TTLL5: variants seen among roughly 807,000 people sequenced by gnomAD.
TTLL5 encodes tubulin tyrosine ligase like 5.
Under a neutral mutation model 168.4 loss-of-function variants are expected in TTLL5, and 132 were observed. The observed-to-expected ratio is 0.78, with a 90% CI of 0.68 to 0.91. The LOEUF (loss-of-function observed/expected upper bound fraction) is 0.91. TTLL5 is among the 40% of genes least tolerant of loss of function. The probability of loss-of-function intolerance (pLI) is 0.00; values close to 1 mark genes in which losing one functional copy is unlikely to be tolerated. For synonymous variants in TTLL5, 546 were observed against 558.6 expected (o/e 0.98, Z 0.32); for missense variants, 1,545 against 1,581.5 (o/e 0.98, Z 0.39).
At chr14:75,792,752 C>T (rs764114901) in intron 26 of TTLL5, among the ~76,000 whole-genome samples, 164 bp from the exon 27 acceptor site, 12 of 152,006 alleles carry the variant, frequency 7.9e-5, no homozygotes, top group Non-Finnish European at 1.3e-4. Flanking sequence ...GTTATGGTAA[C>T]CATTTATTTT....
At chr14:75,870,789 T>A (rs1186544028) in intron 29 of TTLL5, among the ~76,000 whole-genome samples, 1 of 152,004 alleles carries the variant, frequency 6.6e-6, no homozygotes, top group Non-Finnish European at 1.5e-5. Context: ...CATATTATGC[T>A]TGCTTTGGTT....
At chr14:75,885,627 T>TGA (rs1199362773) in intron 30 of TTLL5, among the ~76,000 whole-genome samples, 1 of 152,256 alleles carries the variant, frequency 6.6e-6, no homozygotes. Flanking sequence ...TTATTTGGAC[T>TGA]GATGAAGTAA....
chr14:75,935,704 C>A (rs1459107418), intron 31 of TTLL5, among the ~76,000 whole-genome samples: 3 of 152,150 alleles, frequency 2.0e-5, no homozygotes, highest in African/African-American at 7.2e-5. Context: ...AAACCCAACC[C>A]ACTGTAGATT....
chr14:75,926,272 A>T (rs891201731), intron 31 of TTLL5, among the ~76,000 whole-genome samples: 8 of 146,652 alleles, frequency 5.5e-5, no homozygotes, highest in Non-Finnish European at 1.2e-4. Flanking sequence ...TCCTTAATAC[A>T]GCACACTGAT....
chr14:75,868,516 A>G (rs1001210449), intron 29 of TTLL5, among the ~76,000 whole-genome samples: 1 of 152,172 alleles, frequency 6.6e-6, no homozygotes, highest in African/African-American at 2.4e-5. Context: ...TCTGGATTCA[A>G]TAATCCTAGC....
chr14:75,666,163 G>A (rs1236450391), intron 2 of TTLL5, among the ~76,000 whole-genome samples: 1 of 152,136 alleles, frequency 6.6e-6, no homozygotes, highest in East Asian at 1.9e-4. Flanking sequence ...GAAGCAGCAG[G>A]CTTACATTTT....
chr14:75,912,614 CA>C (rs2033438015), intron 31 of TTLL5, among the ~76,000 whole-genome samples: 1 of 152,042 alleles, frequency 6.6e-6, no homozygotes, highest in Non-Finnish European at 1.5e-5. Flanking sequence ...GCAGGGCAAA[CA>C]GGGAAACATG....
intron 28 of TTLL5, chr14:75,838,274 G>C (rs529239871): frequency 3.3e-5 from 5 of 150,986 alleles, no homozygotes; most frequent in Non-Finnish European, 7.4e-5. Flanking sequence ...GGAGGTGGCG[G>C]CTGGGCGTGG....
At chr14:75,819,126 C>G (rs1368758709) in intron 27 of TTLL5, among the ~76,000 whole-genome samples, 2 of 152,186 alleles carry the variant, frequency 1.3e-5, no homozygotes, top group Non-Finnish European at 2.9e-5. Flanking sequence ...TTACACATAG[C>G]TTGGCACCTA....
chr14:75,793,004 C>A lies in TTLL5; in HGVS notation c.3075C>A (p.Asn1025Lys). The A allele has an allele frequency of 6.2e-7, 1 of 1,613,634 alleles. No individual in the cohort carries two copies. The highest frequency in any genetic ancestry group is 8.5e-7 in the Non-Finnish European group (1 of 1,179,704). The change falls in exon 27 of 32, where the codon AAC (asparagine) becomes AAA (lysine). Residue 1025 changes from asparagine to lysine, a missense_variant. By Grantham distance (94) the Asn-to-Lys change is moderately conservative (BLOSUM62 0). Coordinates refer to ENST00000298832, the MANE Select transcript of TTLL5 (RefSeq NM_015072.5). ...EDASLYSKRY[N>K]QSMVTAELQR... The stretch of plus-strand genomic sequence containing the variant: ...CTTCTTTATATAGCAAACGGTACAA[C>A]CAAAGTATGGTTACAGCTGAACTTC...
chr14:75,822,867 A>G (rs1894908963), intron 28 of TTLL5, among the ~76,000 whole-genome samples: 1 of 152,060 alleles, frequency 6.6e-6, no homozygotes, highest in Admixed American at 6.6e-5. Flanking sequence ...GTTGTGGGAG[A>G]AGAAGGCAAA....
chr14:75,775,505 A>G lies in TTLL5; in HGVS notation c.2158A>G (p.Lys720Glu). 1.2e-6 allele frequency: 2 copies of G among 1,613,798 alleles called. No individual in the cohort carries two copies. The highest frequency in any genetic ancestry group is 1.7e-6 in the Non-Finnish European group (2 of 1,179,922). The change falls in exon 22 of 32, where the codon AAG becomes GAG. Residue 720 changes from lysine (K) to glutamate (E), a missense_variant. Physicochemically the swap from Lys to Glu is moderately conservative, Grantham distance 56 (BLOSUM62 1). Coordinates refer to ENST00000298832, the MANE Select transcript of TTLL5 (RefSeq NM_015072.5). ...EQMELVVRFL[K>E]RASNNLQHSL... is the part of the protein sequence containing the mutation. Reference sequence around the variant, plus strand: ...ATAGGAGCTGGTTGTTCGTTTCCTCAAGCGAGCATCAAATAACCTCCAGCA... The same window carrying G: ...ATAGGAGCTGGTTGTTCGTTTCCTCGAGCGAGCATCAAATAACCTCCAGCA...
chr14:75,706,899 A>T, intron 7 of TTLL5, 119 bp from the exon 8 acceptor site: 1 of 805,718 alleles, frequency 1.2e-6, no homozygotes, highest in Non-Finnish European at 2.0e-6. Flanking sequence ...AGGAAACTTT[A>T]ACCAGAATTT....
At chr14:75,679,645 A>C (rs1199154902) in intron 3 of TTLL5, among the ~76,000 whole-genome samples, 1 of 152,216 alleles carries the variant, frequency 6.6e-6, no homozygotes, top group East Asian at 1.9e-4. Flanking sequence ...AATTGTCTTA[A>C]ACTTGGCCCT....
At chr14:75,774,870 G>A (rs974867414) in intron 21 of TTLL5, among the ~76,000 whole-genome samples, 3 of 151,740 alleles carry the variant, frequency 2.0e-5, no homozygotes, top group Admixed American at 6.6e-5. Flanking sequence ...TGTATTTTTC[G>A]TAGAAATGCA....
At chr14:75,803,662 T>C (rs1301622119) in intron 27 of TTLL5, among the ~76,000 whole-genome samples, 3 of 152,174 alleles carry the variant, frequency 2.0e-5, no homozygotes, top group African/African-American at 7.2e-5. Context: ...TGTATGTCCC[T>C]GAAAGCAGGG....
chr14:75,669,330 G>A (rs1208988252), intron 2 of TTLL5, 86 bp from the exon 3 acceptor site: 2 of 1,238,528 alleles, frequency 1.6e-6, no homozygotes, highest in Non-Finnish European at 2.3e-6. Flanking sequence ...GGGGAAACTT[G>A]CTAAGCAACA....
At chr14:75,765,990 G>T (rs1171644466) in intron 19 of TTLL5, 72 bp from the exon 20 acceptor site, 1 of 1,394,886 alleles carries the variant, frequency 7.2e-7, no homozygotes, top group Non-Finnish European at 9.7e-7. Context: ...ACTAAAAAGA[G>T]AAAAGGAAGG....
intron 7 of TTLL5, among the ~76,000 whole-genome samples, chr14:75,705,807 C>T (rs1216560825): frequency 6.6e-6 from 1 of 151,942 alleles, no homozygotes; most frequent in East Asian, 1.9e-4. Flanking sequence ...GCCCTTTTGT[C>T]CTACATGGAT....
Sources: allele counts gnomAD v4.1 joint callset (sites outside exome capture counted in the v4.1 genomes callset), GRCh38; gene constraint gnomAD v4.1.1; transcripts MANE v1.5; gene names NCBI Gene and HGNC (gene_info 2026-07-23, HGNC 2026-07-21).